The following RBM45 variants were observed in gnomAD, a reference collection of about 807,000 sequenced individuals.
RBM45 encodes RNA binding motif protein 45.
RBM45 carries 39 observed loss-of-function variants against 58.5 expected under a neutral mutation model. The observed-to-expected ratio is 0.67, with a 90% CI of 0.52 to 0.87. The LOEUF (loss-of-function observed/expected upper bound fraction) is 0.87. RBM45 is among the 40% of genes least tolerant of loss of function. The pLI is 0.00. For missense variants in RBM45, 481 were observed against 581.6 expected, an observed-to-expected ratio of 0.83 and a Z score of 1.78; for synonymous variants, 193 against 203.0, an observed-to-expected ratio of 0.95 and a Z score of 0.42.
In RBM45 at chr2:178,112,485, C is replaced by G; in HGVS notation, c.-62C>G. The G allele has an allele frequency of 6.8e-7, 1 of 1,462,840 alleles. No homozygotes were observed. The highest frequency in any genetic ancestry group is 9.4e-7 in the Non-Finnish European group (1 of 1,062,948). 90.6% of individuals were successfully genotyped at this position (1,462,840 alleles called of 1,614,324 possible). On this transcript the variant is annotated 5_prime_UTR_variant, in exon 1 of 10. Transcript: ENST00000286070. ...CGGCAAAGGCTTGGGTGTGAGACAG[C>G]AGCGGTGGCAGACACCGCAGAAGCA... is the stretch of plus-strand genomic sequence containing the variant.
rs1382336222 is a variant in RBM45 at position 178,124,197 on chromosome 2, A to T, written c.1139A>T (p.Lys380Ile). ...GATGTTGTACTTCCATCATGCAAAA[A>T]AAAAGCTCCTGCTGAAACTCCTGTG... ...QTDVVLPSCK[K>I]KAPAETPVKE... Residue 380 changes from lysine to isoleucine, a missense_variant, in exon 8 of 10, where the codon AAA becomes ATA. Coordinates refer to ENST00000286070, the MANE Select transcript of RBM45 (RefSeq NM_152945.4). 1.2e-6 allele frequency: 2 copies of T among 1,611,926 alleles called. No individual in the cohort carries two copies. The highest frequency in any genetic ancestry group is 1.7e-6 in the Non-Finnish European group (2 of 1,179,414).
At chr2:178,116,553 A>G (rs564691343) in intron 2 of RBM45, among the ~76,000 whole-genome samples, 169 bp downstream of exon 2, 1 of 152,322 alleles carries the variant, frequency 6.6e-6, no homozygotes, top group Non-Finnish European at 1.5e-5. Context: ...ACCTAGCATA[A>G]ATTAGTTTTT....
At chr2:178,122,035 C>G (rs974985100) in intron 5 of RBM45, among the ~76,000 whole-genome samples, 1 of 152,122 alleles carries the variant, frequency 6.6e-6, no homozygotes, top group Non-Finnish European at 1.5e-5. Flanking sequence ...TGCATAGAAT[C>G]GGGTACAAAT....
intron 5 of RBM45, among the ~76,000 whole-genome samples, chr2:178,121,601 A>G (rs1484538744): frequency 1.3e-5 from 2 of 152,174 alleles, no homozygotes; most frequent in Non-Finnish European, 2.9e-5. Context: ...TTTTTACAAA[A>G]TTGTTCACTG....
At chr2:178,121,396 G>GTATATA (rs200695432) in intron 5 of RBM45, 37 bp downstream of exon 5, 1 of 377,146 alleles carries the variant, frequency 2.7e-6, no homozygotes. Flanking sequence ...ATATATATAT[G>GTATATA]TATATATACA....
intron 3 of RBM45, among the ~76,000 whole-genome samples, chr2:178,119,484 A>G (rs2087820782): frequency 6.6e-6 from 1 of 152,224 alleles, no homozygotes; most frequent in South Asian, 2.1e-4. Flanking sequence ...AACTAGGTAC[A>G]TTGGAACATG....
At chr2:178,128,614 A>G (rs2087966787) in intron 9 of RBM45, among the ~76,000 whole-genome samples, 1 of 152,222 alleles carries the variant, frequency 6.6e-6, no homozygotes, top group Admixed American at 6.5e-5. Context: ...ATGGCTGTTC[A>G]TAAAAATTTT....
downstream of RBM45, among the ~76,000 whole-genome samples, chr2:178,133,656 G>T (rs1379424122): frequency 6.6e-6 from 1 of 152,190 alleles, no homozygotes; most frequent in Non-Finnish European, 1.5e-5. Flanking sequence ...AAGAACAAGT[G>T]AAATCTATTG....
At position 178,112,790 on chromosome 2, in the gene RBM45, G is replaced by A. The variant is rs915199670; in HGVS notation, c.244G>A (p.Ala82Thr). The A allele has an allele frequency of 1.9e-6, 3 of 1,613,740 alleles. No individual in the cohort carries two copies. Among genetic ancestry groups the A allele is most frequent in the East Asian group, 2.2e-5 (1 of 44,880 alleles). Residue 82 changes from alanine to threonine, a missense_variant, in exon 1 of 10, where the codon GCC (alanine) becomes ACC (threonine). Transcript: ENST00000286070. ...KFARSSQACR[A>T]MEEMHGQCLG... is the part of the protein sequence containing the mutation. Reference sequence around the variant, plus strand: ...CGCCCGCAGCTCACAGGCCTGCAGGGCCATGGAGGAGATGCATGGCCAGTG... The same window carrying A: ...CGCCCGCAGCTCACAGGCCTGCAGGACCATGGAGGAGATGCATGGCCAGTG...
chr2:178,133,013 T>A (rs2088017337), downstream of RBM45, among the ~76,000 whole-genome samples: 1 of 152,186 alleles, frequency 6.6e-6, no homozygotes, highest in South Asian at 2.1e-4. Context: ...GATGGGGTGG[T>A]CAGTGGCATT....
chr2:178,120,438 T>G, intron 4 of RBM45, 29 bp downstream of exon 4: 1 of 1,581,208 alleles, frequency 6.3e-7, no homozygotes, highest in Non-Finnish European at 8.6e-7. Context: ...CTTTTAATAG[T>G]ATAATGTAGT....
At chr2:178,131,101 T>TA (rs1260760404), downstream of RBM45, among the ~76,000 whole-genome samples, 1 of 152,224 alleles carries the variant, frequency 6.6e-6, no homozygotes, top group African/African-American at 2.4e-5. Context: ...TCTTTGTTTT[T>TA]AATTTTTTAA....
chr2:178,124,129 A>G lies in RBM45; in HGVS notation c.1071A>G (p.Gln357=), dbSNP rs553675752. ...WNNPSQQQFM[Q]FGGSSGSQLP... is the part of the protein sequence containing the mutation. ...TCTTGTTTTCTACCTGTTAACAGCAATTTGGAGGAAGCTCTGGATCACAGT... is the reference window on the plus strand; with the variant it reads ...TCTTGTTTTCTACCTGTTAACAGCAGTTTGGAGGAAGCTCTGGATCACAGT... Residue 357 remains glutamine, a splice_region_variant and synonymous_variant, in exon 8 of 10, where the codon CAA becomes CAG. Transcript: ENST00000286070. 2.5e-6 allele frequency: 4 copies of G among 1,582,844 alleles called. No individual in the cohort carries two copies. The African/African-American group carries it at 4.1e-5, about 16-fold the overall frequency.
At chr2:178,122,235 GT>G (rs34193635) in intron 5 of RBM45, among the ~76,000 whole-genome samples, 4 of 151,554 alleles carry the variant, frequency 2.6e-5, no homozygotes, top group Admixed American at 1.3e-4. Flanking sequence ...AATCTAAGGG[GT>G]TTTTTTTTCT....
chr2:178,130,036 T>G (rs1031140221), downstream of RBM45, among the ~76,000 whole-genome samples: 2 of 152,156 alleles, frequency 1.3e-5, no homozygotes, highest in African/African-American at 4.8e-5. Flanking sequence ...TTTGTGAAGC[T>G]CTAAGATTAT....
chr2:178,132,948 G>A (rs192277106), downstream of RBM45, among the ~76,000 whole-genome samples: 1 of 152,334 alleles, frequency 6.6e-6, no homozygotes, highest in Admixed American at 6.5e-5. Flanking sequence ...TGTTTAAAAT[G>A]TAGGTATACT....
In RBM45 at chr2:178,123,519, T is replaced by C; in HGVS notation, c.854-3T>C. 6.4e-7 allele frequency: 1 copy of C among 1,569,188 alleles called. No homozygotes were observed. On this transcript the variant is annotated splice_region_variant and splice_polypyrimidine_tract_variant and intron_variant, in intron 5 of 9. Coordinates refer to ENST00000286070, the MANE Select transcript of RBM45 (RefSeq NM_152945.4). ...TTTCATTTCTGTATGTTCTCTATTT[T>C]AGGTCATGGAGTGGTTCAGTATTTT...
intron 5 of RBM45, among the ~76,000 whole-genome samples, chr2:178,122,802 A>G (rs1574412240): frequency 6.6e-6 from 1 of 152,256 alleles, no homozygotes; most frequent in East Asian, 1.9e-4. Flanking sequence ...TTTCATTAAA[A>G]TGTTGGATGC....
At position 178,118,070 on chromosome 2, in the gene RBM45, G is replaced by T; in HGVS notation, c.439G>T (p.Glu147Ter). The change falls in exon 3 of 10, where the codon GAG (glutamate) becomes TAG (stop). Residue 147 changes from glutamate to a stop codon, truncating the protein, a stop_gained. Coordinates refer to ENST00000286070, the MANE Select transcript of RBM45 (RefSeq NM_152945.4). LOFTEE classifies it high-confidence loss of function. ...REKFKVYGDI[E>*]YCSIIKNKVT... The stretch of plus-strand genomic sequence containing the variant: ...ACTCTCTTAGGTGTATGGAGATATC[G>T]AGTATTGCAGCATTATTAAGAATAA... 6.2e-7 allele frequency: 1 copy of T among 1,609,922 alleles called. No homozygotes were observed. The highest frequency in any genetic ancestry group is 2.2e-5 in the East Asian group (1 of 44,786).
Sources: gnomAD v4.1 joint callset for allele counts (sites outside exome capture counted in the v4.1 genomes callset) on GRCh38, gnomAD v4.1.1 for gene constraint, MANE v1.5 for transcripts, NCBI Gene and HGNC (gene_info 2026-07-23, HGNC 2026-07-21) for gene names.